SLMAP: variants seen among roughly 807,000 people sequenced by gnomAD.
SLMAP encodes the protein sarcolemma associated protein, also known as sarcolemmal membrane-associated protein.
A neutral mutation model predicts 128.8 loss-of-function variants in SLMAP; 44 were observed. That is an observed-to-expected ratio of 0.34 (90% CI 0.27 to 0.44). The LOEUF is 0.44. SLMAP is among the 20% of genes least tolerant of loss of function. The probability of loss-of-function intolerance (pLI) is 1.00; values close to 1 mark genes in which losing one functional copy is unlikely to be tolerated. For missense variants in SLMAP, 787 were observed against 985.3 expected (o/e 0.80, Z 2.69); for synonymous variants, 327 against 348.8 (o/e 0.94, Z 0.70).
chr3:57,883,592 C>T (rs922957917), intron 14 of SLMAP, among the ~76,000 whole-genome samples: 7 of 152,070 alleles, frequency 4.6e-5, no homozygotes, highest in Non-Finnish European at 1.0e-4. Context: ...TGATTAAATA[C>T]GGTGAATGGA....
intron 17 of SLMAP, chr3:57,901,196 G>A (rs917801345): frequency 2.0e-5 from 3 of 152,216 alleles, no homozygotes; most frequent in African/African-American, 7.2e-5. Context: ...GGACCTTTGA[G>A]TATAATAAAT....
chr3:57,819,390 A>G (rs1298362661), intron 2 of SLMAP, among the ~76,000 whole-genome samples: 1 of 152,180 alleles, frequency 6.6e-6, no homozygotes, highest in African/African-American at 2.4e-5. Flanking sequence ...AAAGCTATGA[A>G]TGTTCTTTTT....
rs138498724 is a variant in SLMAP, at chr3:57,779,084, G to A, written c.198+21235G>A. Among the ~76,000 whole-genome samples the A allele has an allele frequency of 4.2e-3, 642 of 152,164 alleles. 6 individuals are homozygous for A. Among genetic ancestry groups the A allele is most frequent in the African/African-American group, 0.015 (619 of 41,508 alleles). On this transcript the variant is annotated intron_variant, in intron 2 of 24. Coordinates refer to ENST00000671191, the MANE Select transcript of SLMAP (RefSeq NM_001377540.1). ...ACATACTTCTGTTAAATTACACCAC[G>A]GAGTACTGTACAGTATTGAACGTGA...
At chr3:57,844,770 G>A (rs4499564) in intron 4 of SLMAP, among the ~76,000 whole-genome samples, 145,348 of 145,348 alleles carry the variant, frequency 1, 72,674 homozygotes, top group Non-Finnish European at 1. Context: ...GCTGTAGTGC[G>A]GTGGTGTGAT....
intron 17 of SLMAP, chr3:57,900,455 T>C (rs1471505453): frequency 6.6e-6 from 1 of 152,204 alleles, no homozygotes; most frequent in Non-Finnish European, 1.5e-5. Context: ...TCACTTCAAA[T>C]CATGTCTGTT....
At chr3:57,792,576 T>C (rs1402534216) in intron 2 of SLMAP, among the ~76,000 whole-genome samples, 1 of 152,108 alleles carries the variant, frequency 6.6e-6, no homozygotes, top group African/African-American at 2.4e-5. Flanking sequence ...TCTTCATCTA[T>C]AGGGGATTTT....
intron 14 of SLMAP, among the ~76,000 whole-genome samples, chr3:57,888,717 T>A (rs568145079): frequency 6.6e-6 from 1 of 151,820 alleles, no homozygotes; most frequent in African/African-American, 2.4e-5. Flanking sequence ...TCAATAAATA[T>A]CTAAAATGGA....
At chr3:57,852,211 C>T (rs548890001) in intron 6 of SLMAP, among the ~76,000 whole-genome samples, 1 of 152,234 alleles carries the variant, frequency 6.6e-6, no homozygotes, top group African/African-American at 2.4e-5. Context: ...ACACCCGGAC[C>T]CCTACATTCT....
intron 3 of SLMAP, among the ~76,000 whole-genome samples, chr3:57,836,505 A>T (rs930635174): frequency 2.6e-5 from 4 of 152,098 alleles, no homozygotes; most frequent in African/African-American, 9.7e-5. Context: ...CTGTTTTTTA[A>T]ATTTTTTTAA....
intron 14 of SLMAP, among the ~76,000 whole-genome samples, chr3:57,885,428 T>A (rs1266141604): frequency 6.7e-6 from 1 of 149,532 alleles, no homozygotes; most frequent in Non-Finnish European, 1.5e-5. Flanking sequence ...TTTGTGTTTT[T>A]TTTTTTTTTG....
At chr3:57,757,958 A>T in intron 2 of SLMAP, 109 bp downstream of exon 2, 5 of 920,502 alleles carry the variant, frequency 5.4e-6, no homozygotes, top group Non-Finnish European at 6.7e-6. Context: ...CATCCAGAGG[A>T]GGCTTTGCGC....
intron 2 of SLMAP, among the ~76,000 whole-genome samples, chr3:57,758,135 C>A (rs1343280106): frequency 6.6e-6 from 1 of 152,152 alleles, no homozygotes; most frequent in African/African-American, 2.4e-5. Context: ...TGAAACTTGG[C>A]GTCTTGCTTT....
chr3:57,787,492 T>C (rs2084464706), intron 2 of SLMAP, among the ~76,000 whole-genome samples: 1 of 152,160 alleles, frequency 6.6e-6, no homozygotes, highest in Non-Finnish European at 1.5e-5. Context: ...CTCTTTCTTT[T>C]TTGAGACAGA....
intron 13 of SLMAP, among the ~76,000 whole-genome samples, chr3:57,868,816 ATATAT>A (rs1487467996): frequency 1.1e-4 from 15 of 133,718 alleles, no homozygotes; most frequent in African/African-American, 4.6e-4. Flanking sequence ...ATATATATAT[ATATAT>A]AAAATATATA....
intron 3 of SLMAP, among the ~76,000 whole-genome samples, chr3:57,836,767 A>G (rs1337521049): frequency 1.3e-5 from 2 of 152,258 alleles, no homozygotes; most frequent in South Asian, 2.1e-4. Flanking sequence ...TGACATTCTA[A>G]TAGATTTTTT....
At chr3:57,926,258 CAA>C (rs1351413805) in intron 24 of SLMAP, 1 of 247,956 alleles carries the variant, frequency 4.0e-6, no homozygotes, top group African/African-American at 2.3e-5. Flanking sequence ...ACCCTCTTTC[CAA>C]TTATGTGTTT....
intron 6 of SLMAP, among the ~76,000 whole-genome samples, chr3:57,854,748 A>G (rs756999854): frequency 6.6e-6 from 1 of 152,192 alleles, no homozygotes; most frequent in Non-Finnish European, 1.5e-5. Context: ...TTCAGTTGGA[A>G]TGAGTTTGTT....
intron 14 of SLMAP, among the ~76,000 whole-genome samples, chr3:57,881,861 G>A (rs2153634714): frequency 6.6e-6 from 1 of 152,296 alleles, no homozygotes; most frequent in South Asian, 2.1e-4. Context: ...GCCAGGAGCA[G>A]TGATTAATGC....
At chr3:57,820,633 A>G (rs2092416179) in intron 2 of SLMAP, among the ~76,000 whole-genome samples, 1 of 152,212 alleles carries the variant, frequency 6.6e-6, no homozygotes, top group African/African-American at 2.4e-5. Context: ...ACCTCTGCCA[A>G]CATTGTAGAA....
Sources: gnomAD v4.1 joint callset for allele counts (sites outside exome capture counted in the v4.1 genomes callset) on GRCh38, gnomAD v4.1.1 for gene constraint, MANE v1.5 for transcripts, NCBI Gene and HGNC (gene_info 2026-07-23, HGNC 2026-07-21) for gene names.